DENND1C: variants seen among roughly 807,000 people sequenced by gnomAD.
The protein encoded by DENND1C is DENN domain-containing protein 1C.
Under a neutral mutation model 87.9 loss-of-function variants are expected in DENND1C, and 64 were observed. That is an observed-to-expected ratio of 0.73 (90% confidence interval 0.60 to 0.90). The LOEUF is 0.90. Ranked by LOEUF, DENND1C falls within the 40% of genes least tolerant of loss-of-function variation. The pLI is 0.00. For missense variants in DENND1C, 980 were observed against 1,037.0 expected, an observed-to-expected ratio of 0.95 and a Z score of 0.76; for synonymous variants, 384 against 424.4, an observed-to-expected ratio of 0.90 and a Z score of 1.17.
chr19:6,480,525 TC>T, intron 1 of DENND1C: 2 of 913,076 alleles, frequency 2.2e-6, no homozygotes, highest in Non-Finnish European at 2.6e-6. Context: ...CATCCATCCA[TC>T]CACCCACCCA....
chr19:6,479,499 C>G (rs2092885597), intron 4 of DENND1C, among the ~76,000 whole-genome samples, 170 bp downstream of exon 4: 1 of 151,716 alleles, frequency 6.6e-6, no homozygotes. Flanking sequence ...TCCCTGGATG[C>G]TAATGTATAT....
intron 3 of DENND1C, 25 bp downstream of exon 3, chr19:6,479,834 G>T (rs1175521817): frequency 6.2e-7 from 1 of 1,612,960 alleles, no homozygotes; most frequent in East Asian, 2.2e-5. Flanking sequence ...CTCGCCCTGG[G>T]GGAGCAAGGA....
intron 19 of DENND1C, 78 bp from the exon 20 acceptor site, chr19:6,469,031 CTT>C (rs112143621): frequency 2.7e-3 from 1,833 of 673,116 alleles, no homozygotes; most frequent in East Asian, 5.5e-3. Flanking sequence ...TTTAGTTAGT[CTT>C]TTTTTTTTTT....
chr19:6,476,564 T>A (rs2092861816), intron 10 of DENND1C: 1 of 348,946 alleles, frequency 2.9e-6, no homozygotes, highest in East Asian at 5.5e-5. Flanking sequence ...CGTGTATAAG[T>A]CCCTAGTTCT....
rs1218114781 is a variant in DENND1C, at chr19:6,477,377, C to A, written c.447+1G>T. ...GCGCCCAGGGAATGGGAGCTACTCACCAGCTCAAGCCCCACTGAGGCCTGG... is the reference window on the plus strand; with the variant it reads ...GCGCCCAGGGAATGGGAGCTACTCAACAGCTCAAGCCCCACTGAGGCCTGG... On this transcript the variant is annotated splice_donor_variant, in intron 7 of 22. Transcript: ENST00000381480. LOFTEE classifies it high-confidence loss of function. The A allele has an allele frequency of 6.2e-7, 1 of 1,613,374 alleles. No homozygotes were observed. The highest frequency in any genetic ancestry group is 1.3e-5 in the African/African-American group (1 of 74,884).
At position 6,479,066 on chromosome 19, in the gene DENND1C, G is replaced by A. The variant is rs2092881061; in HGVS notation, c.177-10C>T. The A allele has an allele frequency of 1.2e-6, 2 of 1,613,610 alleles. No individual in the cohort carries two copies. Among genetic ancestry groups the A allele is most frequent in the African/African-American group, 1.3e-5 (1 of 74,894 alleles). On this transcript the variant is annotated splice_polypyrimidine_tract_variant and intron_variant, in intron 4 of 22. Coordinates refer to ENST00000381480, the MANE Select transcript of DENND1C (RefSeq NM_024898.4). ...GGGGCTGGGGGGCTCCCTGGAGTGG[G>A]AAGGGCTGTTAGAGAGACCTGGACA... is the stretch of plus-strand genomic sequence containing the variant.
rs762407364 is a variant in DENND1C at position 6,471,498 on chromosome 19, TGGGGTG to T, written c.1159-8_1159-3del. ...CTTCTCCAGCCGGGCTTCGATGAAC[TGGGGTG>T]GGGGACAGTAAATCAGAAACAGCAG... On this transcript the variant is annotated splice_region_variant and splice_polypyrimidine_tract_variant and intron_variant, in intron 15 of 22. Coordinates refer to ENST00000381480, the MANE Select transcript of DENND1C (RefSeq NM_024898.4). 1.9e-6 allele frequency: 3 copies of T among 1,553,370 alleles called. No homozygotes were observed. The South Asian group carries it at 3.6e-5, about 19-fold the overall frequency.
intron 15 of DENND1C, among the ~76,000 whole-genome samples, chr19:6,472,239 C>T (rs1250840553): frequency 6.6e-6 from 1 of 150,772 alleles, no homozygotes; most frequent in East Asian, 2.0e-4. Flanking sequence ...AGGACCCATC[C>T]CCTCTGGAGT....
In DENND1C at chr19:6,479,014, G is replaced by A. The variant is rs201788639; in HGVS notation, c.219C>T (p.Leu73=). ...SPAVQHFTFA[L]TDLAGNRRFG... is the part of the protein sequence containing the mutation. ...ATCTGCGGTTGCCGGCAAGGTCTGT[G>A]AGGGCGAAGGTGAAATGCTGCACGG... is the stretch of plus-strand genomic sequence containing the variant. The change falls in exon 5 of 23, where the codon CTC becomes CTT. Residue 73 remains leucine, a synonymous_variant. Coordinates refer to ENST00000381480, the MANE Select transcript of DENND1C (RefSeq NM_024898.4). 1,372 of 1,613,970 alleles carry A rather than the reference G, an allele frequency of 8.5e-4. No homozygotes were observed. Among genetic ancestry groups the A allele is most frequent in the Non-Finnish European group, 1.0e-3 (1,185 of 1,179,874 alleles).
rs1362199168 is a variant in DENND1C, at chr19:6,474,200, A to G, written c.1053+1074T>C. On this transcript the variant is annotated intron_variant, in intron 14 of 22. Coordinates refer to ENST00000381480, the MANE Select transcript of DENND1C (RefSeq NM_024898.4). Reference sequence around the variant, plus strand: ...AGAGAGCAAGACTCTGTCTCAAGAGAAAAAAAAAAAAAAAAGAAGAAGAAG... The same window carrying G: ...AGAGAGCAAGACTCTGTCTCAAGAGGAAAAAAAAAAAAAAAGAAGAAGAAG... Among the ~76,000 whole-genome samples, 19 of 140,084 alleles carry G rather than the reference A, an allele frequency of 1.4e-4. No individual in the cohort carries two copies. In the East Asian group the frequency reaches 3.8e-3, roughly 28 times the overall value. The allele number at this position is 140,084 out of a possible 152,430, so 91.9% of individuals were successfully genotyped here. A position where few individuals can be genotyped will look rare whatever the true frequency, so the allele number is the denominator to read the frequency against.
At position 6,475,314 on chromosome 19, in the gene DENND1C, A is replaced by G; in HGVS notation, c.1013T>C (p.Leu338Pro). ...VSRLFLKAQA[L>P]LFGGYRDALV... ...TGCGTCGCGGTACCCCCCGAAGAGC[A>G]GGGCCTGGGCTTTGAGGAAGAGACG... The change falls in exon 14 of 23, where the codon CTG (leucine) becomes CCG (proline). Residue 338 changes from leucine (L) to proline (P), a missense_variant. Physicochemically the swap from Leu to Pro is moderately conservative, Grantham distance 98 (BLOSUM62 -3). Transcript: ENST00000381480. 6.2e-7 allele frequency: 1 copy of G among 1,613,446 alleles called. No individual in the cohort carries two copies.
intron 11 of DENND1C, 24 bp downstream of exon 11, chr19:6,475,813 C>A (rs1352371239): frequency 8.5e-6 from 13 of 1,521,292 alleles, no homozygotes; most frequent in Non-Finnish European, 1.1e-5. Context: ...ACAGGCCCTG[C>A]CCCTCCCAGC....
Position 6,468,887 on chromosome 19 carries a change from G to T in DENND1C, c.1474C>A (p.Arg492Ser). The T allele has an allele frequency of 6.6e-7, 1 of 1,508,000 alleles. No individual in the cohort carries two copies. Among genetic ancestry groups the T allele is most frequent in the Non-Finnish European group, 8.8e-7 (1 of 1,133,730 alleles). 93.4% of individuals were successfully genotyped at this position (1,508,000 alleles called of 1,614,324 possible). A position where few individuals can be genotyped will look rare whatever the true frequency, so the allele number is the denominator to read the frequency against. The part of the protein sequence containing the change: ...RAPALPSRSD[R>S]LQQRLPITQH... ...GTGATTGGGAGGCGTTGCTGCAGGCGGTCTGAGCGGCTGGGGAGGGCTGGG... is the reference window on the plus strand; with the variant it reads ...GTGATTGGGAGGCGTTGCTGCAGGCTGTCTGAGCGGCTGGGGAGGGCTGGG... The change falls in exon 20 of 23, where the codon CGC becomes AGC. Residue 492 changes from arginine to serine, a missense_variant. Arg to Ser is a moderately radical substitution (Grantham distance 110). Transcript: ENST00000381480.
intron 17 of DENND1C, 49 bp from the exon 18 acceptor site, chr19:6,470,415 C>A: frequency 6.4e-7 from 1 of 1,568,852 alleles, no homozygotes; most frequent in African/African-American, 1.4e-5. Flanking sequence ...CAGATCCCAC[C>A]TCCCCATCCC....
Position 6,477,367 on chromosome 19 carries a change from G to A in DENND1C, c.447+11C>T, listed in dbSNP as rs758761876. ...CTAAGGTCCAGCGCCCAGGGAATGG[G>A]AGCTACTCACCAGCTCAAGCCCCAC... On this transcript the variant is annotated intron_variant, in intron 7 of 22. Coordinates refer to ENST00000381480, the MANE Select transcript of DENND1C (RefSeq NM_024898.4). 1 of 1,613,482 alleles carries A rather than the reference G, an allele frequency of 6.2e-7. No homozygotes were observed. The highest frequency in any genetic ancestry group is 1.7e-5 in the Admixed American group (1 of 59,980).
intron 14 of DENND1C, among the ~76,000 whole-genome samples, chr19:6,474,616 A>G (rs1013056930): frequency 2.0e-5 from 3 of 152,180 alleles, no homozygotes; most frequent in Admixed American, 6.5e-5. Context: ...GCTGTATGTC[A>G]GGTACGATTC....
intron 10 of DENND1C, chr19:6,476,233 T>C (rs553001403): frequency 2.6e-5 from 10 of 392,074 alleles, no homozygotes; most frequent in African/African-American, 1.9e-4. Context: ...GGACTGAGCC[T>C]CCACTGACTC....
chr19:6,473,881 C>T (rs2092844310), intron 14 of DENND1C, among the ~76,000 whole-genome samples: 1 of 151,954 alleles, frequency 6.6e-6, no homozygotes, highest in African/African-American at 2.4e-5. Context: ...AGGACAGACT[C>T]TGGGAGATAA....
intron 8 of DENND1C, 21 bp downstream of exon 8, chr19:6,477,197 G>T: frequency 6.3e-7 from 1 of 1,589,102 alleles, no homozygotes; most frequent in Non-Finnish European, 8.6e-7. Context: ...CGACCTTCCA[G>T]GGTCCCCGAG....
Sources: allele counts gnomAD v4.1 joint callset (sites outside exome capture counted in the v4.1 genomes callset), GRCh38; gene constraint gnomAD v4.1.1; transcripts MANE v1.5; gene names NCBI Gene and HGNC (gene_info 2026-07-23, HGNC 2026-07-21).